The following BNC2 variants were observed in gnomAD, a reference collection of about 807,000 sequenced individuals.
BNC2 encodes the protein zinc finger protein basonuclin-2.
A neutral mutation model predicts 76.3 loss-of-function variants in BNC2; 20 were observed. The ratio of observed to expected loss-of-function variants is 0.26; its 90% confidence interval spans 0.18 to 0.38. The LOEUF is 0.38. Among genes scored for constraint, BNC2 ranks in the 10% least tolerant of loss-of-function variants. BNC2 has a pLI of 1.00. For missense variants in BNC2, 1,382 were observed against 1,399.8 expected, an observed-to-expected ratio of 0.99 and a Z score of 0.20; for synonymous variants, 582 against 514.8, an observed-to-expected ratio of 1.13 and a Z score of -1.77.
intron 4 of BNC2, among the ~76,000 whole-genome samples, chr9:16,555,371 G>T (rs1818796411): frequency 6.6e-6 from 1 of 152,108 alleles, no homozygotes; most frequent in African/African-American, 2.4e-5. Context: ...TAAGGGTACA[G>T]AAGAAAAGAG....
intron 3 of BNC2, among the ~76,000 whole-genome samples, chr9:16,670,146 A>T (rs1005291996): frequency 2.6e-5 from 4 of 152,144 alleles, no homozygotes; most frequent in African/African-American, 9.7e-5. Flanking sequence ...CTGATCTATC[A>T]TATGTCATGG....
At chr9:16,762,700 A>G (rs1478675643) in intron 1 of BNC2, among the ~76,000 whole-genome samples, 1 of 152,210 alleles carries the variant, frequency 6.6e-6, no homozygotes, top group African/African-American at 2.4e-5. Flanking sequence ...CTTCAAGAAG[A>G]AAGAGAAAGA....
chr9:16,813,562 G>A (rs1206047139), intron 1 of BNC2, among the ~76,000 whole-genome samples: 1 of 152,058 alleles, frequency 6.6e-6, no homozygotes, highest in East Asian at 1.9e-4. Context: ...ACCGCGCCCA[G>A]CCAAAAAACC....
In BNC2 at chr9:16,672,913, G is replaced by A. The variant is rs140065268; in HGVS notation, c.330+54884C>T. ...GGGGACATAAAGAAACCAACTTCAC[G>A]GAGTCAAAGGAATAGAGACAAGGAA... On this transcript the variant is annotated intron_variant, in intron 3 of 6. Coordinates refer to ENST00000380672, the MANE Select transcript of BNC2 (RefSeq NM_017637.6). Among the ~76,000 whole-genome samples, 98 of 152,220 alleles carry A rather than the reference G, an allele frequency of 6.4e-4. 3 individuals are homozygous for A. In the East Asian group the frequency reaches 0.016, roughly 25 times the overall value.
intron 3 of BNC2, among the ~76,000 whole-genome samples, chr9:16,709,139 T>C (rs1823762223): frequency 6.6e-6 from 1 of 152,046 alleles, no homozygotes; most frequent in Admixed American, 6.5e-5. Context: ...GCTTTCCTAT[T>C]TGGGCTGAAG....
intron 2 of BNC2, among the ~76,000 whole-genome samples, chr9:16,734,955 A>G (rs1343296136): frequency 6.6e-6 from 1 of 152,190 alleles, no homozygotes; most frequent in East Asian, 1.9e-4. Flanking sequence ...TCTAGCTGAC[A>G]CGTGTGTCTG....
intron 2 of BNC2, among the ~76,000 whole-genome samples, chr9:16,731,588 A>G (rs1301680287): frequency 6.6e-6 from 1 of 152,230 alleles, no homozygotes; most frequent in Admixed American, 6.5e-5. Flanking sequence ...ATGATGTTTT[A>G]ACGTTTAAAA....
intron 5 of BNC2, among the ~76,000 whole-genome samples, chr9:16,507,584 A>C (rs963177529): frequency 1.3e-4 from 20 of 152,122 alleles, no homozygotes; most frequent in African/African-American, 4.6e-4. Flanking sequence ...ACGCACCACC[A>C]TGCCTGGCTA....
chr9:16,650,610 G>A (rs1379202545), intron 3 of BNC2, among the ~76,000 whole-genome samples: 1 of 151,800 alleles, frequency 6.6e-6, no homozygotes, highest in Non-Finnish European at 1.5e-5. Context: ...ATAAATAATG[G>A]CATTTCAGAC....
At chr9:16,613,344 A>G (rs2133455717) in intron 3 of BNC2, among the ~76,000 whole-genome samples, 1 of 152,314 alleles carries the variant, frequency 6.6e-6, no homozygotes, top group Middle Eastern at 3.4e-3. Context: ...AACTTCTAGG[A>G]AAAAAATCCA....
At chr9:16,669,873 C>A (rs535469167) in intron 3 of BNC2, among the ~76,000 whole-genome samples, 1 of 152,148 alleles carries the variant, frequency 6.6e-6, no homozygotes, top group East Asian at 1.9e-4. Context: ...TTAGAGTGGA[C>A]GGTAGGAAAC....
At chr9:16,863,941 C>CA (rs1252103143) in intron 1 of BNC2, among the ~76,000 whole-genome samples, 3 of 152,098 alleles carry the variant, frequency 2.0e-5, no homozygotes, top group Non-Finnish European at 4.4e-5. Flanking sequence ...AAAAGACAAA[C>CA]TTTTGGGTAA....
intron 5 of BNC2, among the ~76,000 whole-genome samples, chr9:16,459,583 CACGGCAGGAGAATGGGG>C (rs202202923): frequency 0.021 from 3,257 of 152,188 alleles, 62 homozygotes; most frequent in South Asian, 0.059. Context: ...ACAAGCAATA[CACGGCAGGAGAATGGGG>C]ACTCAGGACT....
intron 1 of BNC2, among the ~76,000 whole-genome samples, chr9:16,774,073 C>T (rs984485450): frequency 6.6e-6 from 1 of 152,116 alleles, no homozygotes; most frequent in Non-Finnish European, 1.5e-5. Flanking sequence ...CCTTTGTCTC[C>T]CAGGCTCAAG....
rs142429427 is a variant in BNC2, at chr9:16,479,788, G to A, written c.670-42264C>T. ...AGATCTGACTTCTTTCTTTATGCAC[G>A]TTGGGTAAAATATTTGTTAGATTAT... On this transcript the variant is annotated intron_variant, in intron 5 of 6. Transcript: ENST00000380672. 3.6e-3 allele frequency among the ~76,000 whole-genome samples: 542 copies of A among 152,218 alleles called. 3 individuals are homozygous for A. Among genetic ancestry groups the A allele is most frequent in the Non-Finnish European group, 5.5e-3 (377 of 67,996 alleles).
intron 5 of BNC2, among the ~76,000 whole-genome samples, chr9:16,446,334 G>A (rs1821231161): frequency 6.6e-6 from 1 of 152,084 alleles, no homozygotes; most frequent in African/African-American, 2.4e-5. Flanking sequence ...CCTCTCCTTG[G>A]ATTAAAGTGG....
chr9:16,437,294 G>C lies in BNC2; in HGVS notation c.900C>G (p.His300Gln), dbSNP rs774656700. Reference sequence around the variant, plus strand: ...TGCTGGAAGGATTGCTGTTCTCTAAGTGAGCAAGGAGGCTGGGACTCCTGG... The same window carrying C: ...TGCTGGAAGGATTGCTGTTCTCTAACTGAGCAAGGAGGCTGGGACTCCTGG... ...NRTRSPSLLA[H>Q]LENSNPSSIH... is the part of the protein sequence containing the mutation. Residue 300 changes from histidine (H) to glutamine (Q), a missense_variant, in exon 6 of 7, where the codon CAC becomes CAG. Around this residue, in one of 3 missense-constraint regions of BNC2, gnomAD observed 557 missense variants for 540.9 expected, o/e 1.03. Transcript: ENST00000380672. 1.9e-6 allele frequency: 3 copies of C among 1,614,052 alleles called. No individual in the cohort carries two copies.
intron 3 of BNC2, among the ~76,000 whole-genome samples, chr9:16,641,169 C>T (rs771948274): frequency 2.8e-4 from 42 of 152,140 alleles, no homozygotes; most frequent in Non-Finnish European, 5.3e-4. Flanking sequence ...AAAGAAAGAC[C>T]ACTGATTACT....
intron 3 of BNC2, among the ~76,000 whole-genome samples, chr9:16,603,133 A>G (rs1820289591): frequency 6.6e-6 from 1 of 152,186 alleles, no homozygotes; most frequent in Admixed American, 6.5e-5. Flanking sequence ...ATTAGGTTAA[A>G]TCTATCAAGA....
Sources: allele counts gnomAD v4.1 joint callset (sites outside exome capture counted in the v4.1 genomes callset), GRCh38; gene constraint gnomAD v4.1.1; regional missense constraint gnomAD v4.1.1; transcripts MANE v1.5; gene names NCBI Gene and HGNC (gene_info 2026-07-23, HGNC 2026-07-21).